Variants in MYH3 observed in about 807,000 individuals in gnomAD.
MYH3 encodes myosin-3.
MYH3 carries 130 observed loss-of-function variants against 238.0 expected under a neutral mutation model. The ratio of observed to expected loss-of-function variants is 0.55; its 90% CI spans 0.47 to 0.63. The LOEUF (loss-of-function observed/expected upper bound fraction) is 0.63. Among genes scored for constraint, MYH3 ranks in the 30% least tolerant of loss-of-function variants. The probability of loss-of-function intolerance (pLI) is 0.00; values close to 1 mark genes in which losing one functional copy is unlikely to be tolerated. For missense variants in MYH3, 1,853 were observed against 2,374.9 expected (o/e 0.78, Z 4.57); for synonymous variants, 880 against 924.1 (o/e 0.95, Z 0.86).
chr17:10,641,504 C>T, intron 17 of MYH3, 132 bp from the exon 18 acceptor site: 1 of 605,780 alleles, frequency 1.7e-6, no homozygotes, highest in South Asian at 1.9e-5. Context: ...TGATTTAACT[C>T]TGTCTTTTTT....
chr17:10,637,329 G>A (rs575486644), intron 28 of MYH3, among the ~76,000 whole-genome samples: 2 of 152,194 alleles, frequency 1.3e-5, no homozygotes, highest in South Asian at 4.2e-4. Context: ...CAAAGTGCTG[G>A]GTTGACAGGC....
intron 10 of MYH3, 82 bp downstream of exon 10, chr17:10,647,100 C>A: frequency 9.9e-7 from 1 of 1,013,766 alleles, no homozygotes; most frequent in Non-Finnish European, 1.6e-6. Context: ...TGTAGAGTCA[C>A]TCTACGTAGA....
At chr17:10,647,982 A>C (rs2074339694) in intron 8 of MYH3, among the ~76,000 whole-genome samples, 1 of 152,184 alleles carries the variant, frequency 6.6e-6, no homozygotes, top group Non-Finnish European at 1.5e-5. Flanking sequence ...TCAACAAAGC[A>C]ACTACAGTGA....
chr17:10,630,162 T>A lies in MYH3; in HGVS notation c.5492A>T (p.Gln1831Leu), dbSNP rs373378908. 3 of 1,614,200 alleles carry A rather than the reference T, an allele frequency of 1.9e-6. No individual in the cohort carries two copies. Among genetic ancestry groups the A allele is most frequent in the Non-Finnish European group, 2.5e-6 (3 of 1,180,030 alleles). Residue 1831 changes from glutamine to leucine, a missense_variant, in exon 38 of 41, where the codon CAG (glutamine) becomes CTG (leucine). This residue lies in a region of MYH3 where 1,044 missense variants were observed against 1,192.6 expected (regional missense o/e 0.88). Coordinates refer to ENST00000583535, the MANE Select transcript of MYH3 (RefSeq NM_002470.4). ...CTTAACAGACTCTGTGTTCTTCTTC[T>A]GCTCTCCCTCAAGTTCAAACTCCAG... ...RELEFELEGE[Q>L]KKNTESVKGL...
rs2074261411 is a variant in MYH3 at position 10,640,557 on chromosome 17, C to T, written c.2289+6G>A. On this transcript the variant is annotated splice_donor_region_variant and intron_variant, in intron 20 of 40. Transcript: ENST00000583535. ...AGGCCAGCATCTGTCAGAACTGATG[C>T]ATTACCTTGGTATGTCCAAATTTGT... The T allele has an allele frequency of 2.5e-6, 4 of 1,614,244 alleles. No homozygotes were observed. Among genetic ancestry groups the T allele is most frequent in the Non-Finnish European group, 3.4e-6 (4 of 1,180,036 alleles).
intron 3 of MYH3, among the ~76,000 whole-genome samples, chr17:10,652,783 G>A (rs549685276): frequency 1.7e-4 from 26 of 151,804 alleles, no homozygotes; most frequent in Admixed American, 5.3e-4. Context: ...CACCACACCC[G>A]GCTAATTTTT....
chr17:10,637,355 C>T (rs920548309), intron 28 of MYH3, among the ~76,000 whole-genome samples: 4 of 152,248 alleles, frequency 2.6e-5, no homozygotes, highest in East Asian at 1.9e-4. Flanking sequence ...CTACCACACC[C>T]GGCCTCCCTT....
At position 10,629,580 on chromosome 17, in the gene MYH3, C is replaced by T. The variant is rs765210931; in HGVS notation, c.5796+17G>A. The T allele has an allele frequency of 3.7e-6, 6 of 1,612,618 alleles. No homozygotes were observed. The Admixed American group carries it at 1.0e-4, about 27-fold the overall frequency. ...TACAGTCCCTGGGGGGGGGCTCCTCCCAGCTCAGCGACTCACCCTGCTGGA... is the reference window on the plus strand; with the variant it reads ...TACAGTCCCTGGGGGGGGGCTCCTCTCAGCTCAGCGACTCACCCTGCTGGA... On this transcript the variant is annotated intron_variant, in intron 40 of 40. Transcript: ENST00000583535.
chr17:10,655,189 G>A, intron 2 of MYH3, 117 bp from the exon 3 acceptor site: 1 of 826,016 alleles, frequency 1.2e-6, no homozygotes, highest in South Asian at 1.4e-5. Flanking sequence ...CTCAGAGTCA[G>A]GGCCCCAGGA....
chr17:10,630,971 T>C (rs1223889583), intron 36 of MYH3, among the ~76,000 whole-genome samples: 1 of 152,184 alleles, frequency 6.6e-6, no homozygotes, highest in Non-Finnish European at 1.5e-5. Flanking sequence ...ACCTAATCAA[T>C]GAGGCAATGA....
In MYH3 at chr17:10,652,411, C is replaced by T; in HGVS notation, c.348+9G>A. 6.2e-7 allele frequency: 1 copy of T among 1,613,878 alleles called. No individual in the cohort carries two copies. The highest frequency in any genetic ancestry group is 8.5e-7 in the Non-Finnish European group (1 of 1,179,978). On this transcript the variant is annotated intron_variant, in intron 4 of 40. Coordinates refer to ENST00000583535, the MANE Select transcript of MYH3 (RefSeq NM_002470.4). ...CCCCAGGGAAACCACGTCGAAAGCC[C>T]TCGCTGACATAGATCATCCAAGATG...
intron 31 of MYH3, 99 bp from the exon 32 acceptor site, chr17:10,634,281 C>T: frequency 7.3e-7 from 1 of 1,370,232 alleles, no homozygotes; most frequent in Non-Finnish European, 1.0e-6. Flanking sequence ...TAGGGCTACA[C>T]TTGGCATCAC....
intron 14 of MYH3, among the ~76,000 whole-genome samples, chr17:10,643,759 T>C (rs939549595): frequency 1.3e-5 from 2 of 152,248 alleles, no homozygotes; most frequent in Non-Finnish European, 2.9e-5. Flanking sequence ...CTGTATCTAT[T>C]TGATGGCAGT....
intron 1 of MYH3, among the ~76,000 whole-genome samples, chr17:10,656,692 T>C (rs1302492281): frequency 1.3e-5 from 2 of 152,154 alleles, no homozygotes; most frequent in South Asian, 2.1e-4. Context: ...ACTGGCACCT[T>C]CTTCAGTCTT....
chr17:10,632,813 T>C, intron 33 of MYH3, 29 bp from the exon 34 acceptor site: 1 of 1,612,102 alleles, frequency 6.2e-7, no homozygotes, highest in Non-Finnish European at 8.5e-7. Context: ...AATCAAATAG[T>C]GTCTGTGATG....
chr17:10,653,403 G>GC, intron 3 of MYH3, among the ~76,000 whole-genome samples: 1 of 152,246 alleles, frequency 6.6e-6, no homozygotes. Flanking sequence ...CAGCTGTCCA[G>GC]CCCCCGGCCC....
chr17:10,637,429 C>G (rs1400512345), intron 28 of MYH3, among the ~76,000 whole-genome samples: 2 of 152,318 alleles, frequency 1.3e-5, no homozygotes, highest in East Asian at 3.9e-4. Context: ...GTCTCAAAAA[C>G]TTGGACGCAG....
upstream of MYH3, among the ~76,000 whole-genome samples, chr17:10,660,811 T>A (rs1039108604): frequency 3.3e-5 from 5 of 151,788 alleles, no homozygotes; most frequent in Non-Finnish European, 7.4e-5. Flanking sequence ...TAAAACCCTG[T>A]CTCTACTAAA....
rs541839271 is a variant in MYH3, at chr17:10,641,508, CTTTTTTTTTT to C, written c.1960-146_1960-137del. The stretch of plus-strand genomic sequence containing the variant: ...GTATAGTGAAATGATTTAACTCTGT[CTTTTTTTTTT>C]TTTTTTTTTTTTTTGAGACGGAGTC... On this transcript the variant is annotated intron_variant, in intron 17 of 40. Coordinates refer to ENST00000583535, the MANE Select transcript of MYH3 (RefSeq NM_002470.4). The C allele has an allele frequency of 7.7e-5, 9 of 117,488 alleles. No homozygotes were observed. The Admixed American group carries it at 8.2e-4, about 11-fold the overall frequency. 7.3% of individuals were successfully genotyped at this position (117,488 alleles called of 1,614,324 possible).
Sources: gnomAD v4.1 joint callset for allele counts (sites outside exome capture counted in the v4.1 genomes callset) on GRCh38, gnomAD v4.1.1 for gene constraint, gnomAD v4.1.1 regional missense constraint, MANE v1.5 for transcripts, NCBI Gene and HGNC (gene_info 2026-07-23, HGNC 2026-07-21) for gene names.